POU2F3: variants seen among roughly 807,000 people sequenced by gnomAD.
The protein encoded by POU2F3 is POU class 2 homeobox 3, also known as POU domain, class 2, transcription factor 3.
POU2F3 carries 23 observed loss-of-function variants against 59.2 expected under a neutral mutation model. That is an observed-to-expected ratio of 0.39 (90% CI 0.28 to 0.55). The LOEUF is 0.55. POU2F3 is among the 20% of genes least tolerant of loss of function. POU2F3 has a pLI of 0.66. For synonymous variants in POU2F3, 190 were observed against 214.6 expected (o/e 0.89, Z 1.00); for missense variants, 473 against 544.5 (o/e 0.87, Z 1.31).
intron 1 of POU2F3, among the ~76,000 whole-genome samples, chr11:120,244,190 T>G (rs1446522246): frequency 6.6e-6 from 1 of 152,254 alleles, no homozygotes; most frequent in African/African-American, 2.4e-5. Flanking sequence ...AGTCAGAATT[T>G]GGAGAATCCT....
At chr11:120,304,894 A>T (rs1941440501) in intron 6 of POU2F3, 136 bp from the exon 7 acceptor site, 1 of 650,286 alleles carries the variant, frequency 1.5e-6, no homozygotes, top group Admixed American at 3.5e-5. Flanking sequence ...ACTCCAATGT[A>T]CCCAGGGTGT....
intron 1 of POU2F3, among the ~76,000 whole-genome samples, chr11:120,241,718 A>G (rs762749757): frequency 5.3e-5 from 8 of 152,046 alleles, no homozygotes; most frequent in African/African-American, 1.9e-4. Context: ...TTAGCAGTGG[A>G]TGGGAAGTTT....
At chr11:120,291,817 T>C (rs1015973175) in intron 3 of POU2F3, among the ~76,000 whole-genome samples, 3 of 151,746 alleles carry the variant, frequency 2.0e-5, no homozygotes, top group Non-Finnish European at 4.4e-5. Flanking sequence ...TTTTTTCTTT[T>C]TTTTTTTTTG....
chr11:120,269,925 C>T (rs1332768141), intron 3 of POU2F3, among the ~76,000 whole-genome samples: 6 of 151,752 alleles, frequency 4.0e-5, no homozygotes, highest in Admixed American at 2.6e-4. Context: ...GGGAAGATGG[C>T]GGGGTGGGAG....
chr11:120,251,301 T>G (rs1405765922), intron 2 of POU2F3, among the ~76,000 whole-genome samples: 2 of 152,258 alleles, frequency 1.3e-5, no homozygotes, highest in Non-Finnish European at 2.9e-5. Flanking sequence ...GAAGCACATG[T>G]GTGAGCCTGT....
intron 1 of POU2F3, 24 bp downstream of exon 1, chr11:120,240,395 C>G (rs1938611736): frequency 1.4e-6 from 2 of 1,404,504 alleles, no homozygotes; most frequent in Non-Finnish European, 1.9e-6. Flanking sequence ...GGAATGAGCT[C>G]TGACAGGTGT....
intron 2 of POU2F3, chr11:120,265,732 C>T (rs1939803873): frequency 6.6e-6 from 1 of 152,218 alleles, no homozygotes; most frequent in Admixed American, 6.5e-5. Context: ...TAATTGTCCA[C>T]AAACCTGATG....
At chr11:120,263,116 T>C (rs956870113) in intron 2 of POU2F3, among the ~76,000 whole-genome samples, 2 of 152,028 alleles carry the variant, frequency 1.3e-5, no homozygotes, top group African/African-American at 4.8e-5. Context: ...CTCAGCATCC[T>C]GAGTAGCTGA....
chr11:120,244,183 C>G (rs1161684494), intron 1 of POU2F3, among the ~76,000 whole-genome samples: 1 of 152,166 alleles, frequency 6.6e-6, no homozygotes, highest in Non-Finnish European at 1.5e-5. Context: ...TCTGTGAAGT[C>G]AGAATTTGGA....
At chr11:120,307,731 C>T (rs112489002) in intron 9 of POU2F3, 116 bp downstream of exon 9, 44 of 1,365,044 alleles carry the variant, frequency 3.2e-5, no homozygotes, top group African/African-American at 3.2e-4. Context: ...CTCTGGGACA[C>T]GATCAGAAAA....
At chr11:120,302,829 C>CA (rs1202698517) in intron 6 of POU2F3, 3 of 156,422 alleles carry the variant, frequency 1.9e-5, no homozygotes, top group Non-Finnish European at 2.8e-5. Flanking sequence ...TTGCCTCCTG[C>CA]AGTGGGCACG....
chr11:120,280,316 C>T (rs569792520), intron 3 of POU2F3, among the ~76,000 whole-genome samples: 93 of 152,282 alleles, frequency 6.1e-4, no homozygotes, highest in Admixed American at 1.3e-3. Context: ...TTTTATATTT[C>T]CATTTTAAAG....
At chr11:120,287,952 T>C (rs1940843531) in intron 3 of POU2F3, among the ~76,000 whole-genome samples, 1 of 151,676 alleles carries the variant, frequency 6.6e-6, no homozygotes, top group Non-Finnish European at 1.5e-5. Flanking sequence ...GTGGTTTTTC[T>C]AACCCTTAGC....
intron 3 of POU2F3, among the ~76,000 whole-genome samples, chr11:120,294,213 C>T (rs1256549255): frequency 6.6e-6 from 1 of 152,228 alleles, no homozygotes; most frequent in Non-Finnish European, 1.5e-5. Flanking sequence ...CTGCCCAAGA[C>T]TCAGTGTAAT....
At chr11:120,256,322 G>A (rs2135156420) in intron 2 of POU2F3, 1 of 152,312 alleles carries the variant, frequency 6.6e-6, no homozygotes, top group East Asian at 1.9e-4. Context: ...GCTGCTGTGA[G>A]GATTACACAA....
chr11:120,303,662 C>T (rs372575229), intron 6 of POU2F3: 1 of 152,202 alleles, frequency 6.6e-6, no homozygotes, highest in East Asian at 1.9e-4. Flanking sequence ...TCCTCACACA[C>T]CCTCTCCCTG....
intron 10 of POU2F3, among the ~76,000 whole-genome samples, chr11:120,311,939 G>A (rs551366686): frequency 1.3e-5 from 2 of 152,272 alleles, no homozygotes; most frequent in South Asian, 4.1e-4. Context: ...TGTGCGGAGT[G>A]TTGGGCAGGA....
At chr11:120,255,833 C>A (rs755558840) in intron 2 of POU2F3, among the ~76,000 whole-genome samples, 1 of 152,136 alleles carries the variant, frequency 6.6e-6, no homozygotes, top group Non-Finnish European at 1.5e-5. Flanking sequence ...TGGGAAGGAC[C>A]ACTGCGTGAA....
chr11:120,310,478 G>A (rs1941623744), intron 10 of POU2F3, among the ~76,000 whole-genome samples: 1 of 152,198 alleles, frequency 6.6e-6, no homozygotes, highest in African/African-American at 2.4e-5. Flanking sequence ...AGTTATATCT[G>A]TGACTCTGGA....
Sources: allele counts gnomAD v4.1 joint callset (sites outside exome capture counted in the v4.1 genomes callset), GRCh38; gene constraint gnomAD v4.1.1; transcripts MANE v1.5; gene names NCBI Gene and HGNC (gene_info 2026-07-23, HGNC 2026-07-21).